The following ENPP6 variants were observed in gnomAD, a reference collection of about 807,000 sequenced individuals.
ENPP6 encodes ectonucleotide pyrophosphatase/phosphodiesterase 6, also known as glycerophosphocholine cholinephosphodiesterase ENPP6.
In ENPP6, 32 loss-of-function variants were observed where a neutral mutation model predicts 42.0. The observed-to-expected ratio is 0.76, with a 90% confidence interval of 0.58 to 1.02. The LOEUF (loss-of-function observed/expected upper bound fraction) is 1.02, where lower values mean the gene tolerates loss of function less well. Among genes scored for constraint, ENPP6 ranks in the 50% least tolerant of loss-of-function variants. ENPP6 has a pLI of 0.00. For missense variants in ENPP6, 552 were observed against 566.8 expected (o/e 0.97, Z 0.27); for synonymous variants, 213 against 216.0 (o/e 0.99, Z 0.12).
At chr4:184,197,660 A>G (rs887300555) in intron 1 of ENPP6, among the ~76,000 whole-genome samples, 5 of 152,230 alleles carry the variant, frequency 3.3e-5, no homozygotes, top group African/African-American at 1.2e-4. Flanking sequence ...GCATTTTGTA[A>G]TTCTGAATGC....
intron 2 of ENPP6, among the ~76,000 whole-genome samples, chr4:184,148,748 G>A (rs1445844655): frequency 6.6e-6 from 1 of 152,178 alleles, no homozygotes; most frequent in Non-Finnish European, 1.5e-5. Context: ...AGAAGCTTAG[G>A]TTTCAGTTGA....
chr4:184,167,184 C>T lies in ENPP6; in HGVS notation c.242-13451G>A, dbSNP rs576969115. On this transcript the variant is annotated intron_variant, in intron 1 of 7. Coordinates refer to ENST00000296741, the MANE Select transcript of ENPP6 (RefSeq NM_153343.4). Reference sequence around the variant, plus strand: ...AGGCTGGAGTGCAGTGGTGCGATCTCGGCTCACTGCAACCTCCTTCTCCTG... The same window carrying T: ...AGGCTGGAGTGCAGTGGTGCGATCTTGGCTCACTGCAACCTCCTTCTCCTG... Among the ~76,000 whole-genome samples the T allele has an allele frequency of 7.9e-5, 12 of 152,272 alleles. No homozygotes were observed. The South Asian group carries it at 8.3e-4, about 11-fold the overall frequency.
At chr4:184,162,572 GAAGA>G (rs778605877) in intron 1 of ENPP6, among the ~76,000 whole-genome samples, 6 of 141,600 alleles carry the variant, frequency 4.2e-5, no homozygotes, top group African/African-American at 7.7e-5. Context: ...AGGAAGGAAG[GAAGA>G]AAGGAAGGAA....
intron 1 of ENPP6, among the ~76,000 whole-genome samples, chr4:184,181,204 T>C (rs1201324181): frequency 6.6e-6 from 1 of 152,176 alleles, no homozygotes; most frequent in Admixed American, 6.5e-5. Flanking sequence ...CAAGCATTCT[T>C]ATACATCAAC....
intron 6 of ENPP6, among the ~76,000 whole-genome samples, chr4:184,110,566 C>T (rs889562224): frequency 6.6e-6 from 1 of 152,160 alleles, no homozygotes; most frequent in Non-Finnish European, 1.5e-5. Flanking sequence ...ATATTTTTCT[C>T]CCTGATAAAA....
Position 184,117,112 on chromosome 4 carries a change from A to G in ENPP6, c.676-77T>C, listed in dbSNP as rs549459412. On this transcript the variant is annotated intron_variant, in intron 4 of 7. Coordinates refer to ENST00000296741, the MANE Select transcript of ENPP6 (RefSeq NM_153343.4). The stretch of plus-strand genomic sequence containing the variant: ...ACTCAGAAAACCTTGTCAACTACAA[A>G]TGATAGGAGAAAGGCTATCTCCTCA... The G allele has an allele frequency of 1.3e-5, 20 of 1,536,634 alleles. No homozygotes were observed. The African/African-American group carries it at 2.6e-4, about 20-fold the overall frequency.
rs1463474471 is a variant in ENPP6 at position 184,117,043 on chromosome 4, G to A, written c.676-8C>T. On this transcript the variant is annotated splice_region_variant and splice_polypyrimidine_tract_variant and intron_variant, in intron 4 of 7. Coordinates refer to ENST00000296741, the MANE Select transcript of ENPP6 (RefSeq NM_153343.4). Reference sequence around the variant, plus strand: ...GTCCTGCAGGCCCCGCTCCTGTGGGGTGGGAAAAGACAGTCATTACGGCAC... The same window carrying A: ...GTCCTGCAGGCCCCGCTCCTGTGGGATGGGAAAAGACAGTCATTACGGCAC... The A allele has an allele frequency of 2.5e-6, 4 of 1,614,080 alleles. No individual in the cohort carries two copies. The highest frequency in any genetic ancestry group is 2.2e-5 in the South Asian group (2 of 91,074).
chr4:184,204,779 C>A (rs1732965409), intron 1 of ENPP6, among the ~76,000 whole-genome samples: 1 of 152,208 alleles, frequency 6.6e-6, no homozygotes, highest in Non-Finnish European at 1.5e-5. Context: ...AAAGGGTAAT[C>A]AGTTCACTAA....
Position 184,116,999 on chromosome 4 carries a change from AAAT to A in ENPP6, c.709_711del (p.Ile237del). The stretch of plus-strand genomic sequence containing the variant: ...ATGTCGGTCATTCCGTGATCCGAGA[AAAT>A]AATGACGTTCAGGCGGTCCTGCAGG... On this transcript the variant is annotated inframe_deletion, in exon 5 of 8. Transcript: ENST00000296741. 6.2e-7 allele frequency: 1 copy of A among 1,614,244 alleles called. No individual in the cohort carries two copies. Among genetic ancestry groups the A allele is most frequent in the South Asian group, 1.1e-5 (1 of 91,084 alleles).
In ENPP6 at chr4:184,097,272, G is replaced by A. The variant is rs919101796; in HGVS notation, c.1090C>T (p.Arg364Trp). Reference protein sequence around the residue: ...HGYDNELMDMRGIFLAFGPDF... With the variant: ...HGYDNELMDMWGIFLAFGPDF... ...GGTCCGAAGGCCAGGAAGATGCCCC[G>A]CATGTCCATGAGCTCGTTGTCGTAG... Residue 364 changes from arginine to tryptophan, a missense_variant, in exon 7 of 8, where the codon CGG becomes TGG. Arg to Trp is a moderately radical substitution (Grantham distance 101). Transcript: ENST00000296741. The A allele has an allele frequency of 6.2e-6, 10 of 1,614,066 alleles. No individual in the cohort carries two copies. The highest frequency in any genetic ancestry group is 7.6e-6 in the Non-Finnish European group (9 of 1,180,028).
intron 1 of ENPP6, among the ~76,000 whole-genome samples, chr4:184,198,740 T>G (rs554614000): frequency 6.6e-6 from 1 of 152,312 alleles, no homozygotes; most frequent in Admixed American, 6.5e-5. Context: ...TCTACTAGAG[T>G]TGAGCAAGTC....
chr4:184,195,689 T>A (rs759186122), intron 1 of ENPP6, among the ~76,000 whole-genome samples: 2 of 152,208 alleles, frequency 1.3e-5, no homozygotes, highest in Non-Finnish European at 2.9e-5. Flanking sequence ...TCATACAATA[T>A]TTGTCCTTTT....
chr4:184,148,627 C>T (rs1196790251), intron 2 of ENPP6, among the ~76,000 whole-genome samples: 3 of 152,176 alleles, frequency 2.0e-5, no homozygotes, highest in Non-Finnish European at 4.4e-5. Context: ...ACAACATCAG[C>T]GATGCAGATC....
chr4:184,202,765 T>C (rs1304986916), intron 1 of ENPP6, among the ~76,000 whole-genome samples: 1 of 152,208 alleles, frequency 6.6e-6, no homozygotes, highest in Non-Finnish European at 1.5e-5. Context: ...GGAATAAACC[T>C]GAGCTATTCT....
chr4:184,163,537 C>T (rs1259235562), intron 1 of ENPP6, among the ~76,000 whole-genome samples: 2 of 152,004 alleles, frequency 1.3e-5, no homozygotes, highest in Non-Finnish European at 2.9e-5. Flanking sequence ...AAGGTGAAAG[C>T]TCTCGGTTTA....
intron 2 of ENPP6, among the ~76,000 whole-genome samples, chr4:184,128,814 T>C (rs1736547282): frequency 6.6e-6 from 1 of 152,196 alleles, no homozygotes; most frequent in African/African-American, 2.4e-5. Context: ...TTGAAAAAAC[T>C]GATCATATTC....
In ENPP6 at chr4:184,117,898, C is replaced by T. The variant is rs759136476; in HGVS notation, c.536G>A (p.Ser179Asn). ...AVSDALDSFK[S>N]GRADLAAIYH... is the part of the protein sequence containing the mutation. ...TATGGCTGCCAGGTCGGCCCGGCCA[C>T]TCCTGGAGGGACAGAGGAGAGAGGC... is the stretch of plus-strand genomic sequence containing the variant. Residue 179 changes from serine (S) to asparagine (N), a missense_variant and splice_region_variant, in exon 4 of 8, where the codon AGT (serine) becomes AAT (asparagine). Physicochemically the swap from Ser to Asn is conservative, Grantham distance 46. Transcript: ENST00000296741. 1 of 1,613,956 alleles carries T rather than the reference C, an allele frequency of 6.2e-7. No homozygotes were observed. The highest frequency in any genetic ancestry group is 8.5e-7 in the Non-Finnish European group (1 of 1,179,934).
intron 1 of ENPP6, among the ~76,000 whole-genome samples, chr4:184,177,991 C>G (rs1732470911): frequency 6.6e-6 from 1 of 152,100 alleles, no homozygotes. Context: ...ATATCTCCAG[C>G]AAGGGCACAG....
intron 2 of ENPP6, among the ~76,000 whole-genome samples, chr4:184,140,378 G>T (rs929404461): frequency 1.3e-5 from 2 of 151,964 alleles, no homozygotes; most frequent in African/African-American, 4.8e-5. Flanking sequence ...TCACATAATT[G>T]GAAAAAACTA....
Sources: gnomAD v4.1 joint callset for allele counts (sites outside exome capture counted in the v4.1 genomes callset) on GRCh38, gnomAD v4.1.1 for gene constraint, MANE v1.5 for transcripts, NCBI Gene and HGNC (gene_info 2026-07-23, HGNC 2026-07-21) for gene names.